Variants in PTPRG observed in about 807,000 individuals in gnomAD.
PTPRG encodes the protein protein tyrosine phosphatase receptor type G.
Under a neutral mutation model 165.3 loss-of-function variants are expected in PTPRG, and 102 were observed. That is an observed-to-expected ratio of 0.62 (90% CI 0.53 to 0.73). The LOEUF (loss-of-function observed/expected upper bound fraction) is 0.73. Among genes scored for constraint, PTPRG ranks in the 30% least tolerant of loss-of-function variants. The pLI, the probability that PTPRG is intolerant of heterozygous loss-of-function variation, is 0.00. For synonymous variants in PTPRG, 675 were observed against 669.5 expected (o/e 1.01, Z -0.13); for missense variants, 1,866 against 1,861.4 (o/e 1.00, Z -0.05).
chr3:61,621,043 A>G (rs76417593), intron 1 of PTPRG, among the ~76,000 whole-genome samples: 1 of 87,802 alleles, frequency 1.1e-5, no homozygotes. Context: ...GTATATATAT[A>G]TATATATATG....
At chr3:62,000,061 G>T (rs1279650707) in intron 3 of PTPRG, among the ~76,000 whole-genome samples, 1 of 152,120 alleles carries the variant, frequency 6.6e-6, no homozygotes, top group Non-Finnish European at 1.5e-5. Flanking sequence ...TCGACACTTT[G>T]GGAGGCCAAG....
chr3:61,845,465 T>C (rs1469466989), intron 2 of PTPRG, among the ~76,000 whole-genome samples: 1 of 152,214 alleles, frequency 6.6e-6, no homozygotes. Context: ...TTGATCCTAT[T>C]ATCCCGGGAC....
At chr3:62,129,193 A>G (rs1253154885) in intron 5 of PTPRG, among the ~76,000 whole-genome samples, 1 of 152,196 alleles carries the variant, frequency 6.6e-6, no homozygotes, top group African/African-American at 2.4e-5. Flanking sequence ...AGTATCAGAC[A>G]TGGAGAAGCT....
intron 4 of PTPRG, among the ~76,000 whole-genome samples, chr3:62,015,663 G>C (rs1214505166): frequency 6.6e-6 from 1 of 152,030 alleles, no homozygotes; most frequent in Non-Finnish European, 1.5e-5. Context: ...GTTTTAGAAG[G>C]ATCCGTCTGG....
At chr3:61,883,669 T>C (rs1226532573) in intron 2 of PTPRG, among the ~76,000 whole-genome samples, 1 of 152,138 alleles carries the variant, frequency 6.6e-6, no homozygotes, top group Non-Finnish European at 1.5e-5. Context: ...AGATACCTTT[T>C]ATGGGTTGAA....
chr3:61,739,734 CTT>C (rs2032906137), intron 1 of PTPRG, among the ~76,000 whole-genome samples: 1 of 152,182 alleles, frequency 6.6e-6, no homozygotes, highest in South Asian at 2.1e-4. Flanking sequence ...TAGTAAATAA[CTT>C]ATGATTGGGC....
chr3:61,904,713 CAA>C (rs2038597056), intron 2 of PTPRG, among the ~76,000 whole-genome samples: 1 of 152,150 alleles, frequency 6.6e-6, no homozygotes, highest in Non-Finnish European at 1.5e-5. Flanking sequence ...GGTGGCTTAA[CAA>C]AGGTGTAAAT....
intron 2 of PTPRG, among the ~76,000 whole-genome samples, chr3:61,926,318 T>A (rs901481999): frequency 6.6e-6 from 1 of 152,018 alleles, no homozygotes; most frequent in Admixed American, 6.6e-5. Context: ...TTTAGCACCA[T>A]CCCCTTGGTG....
chr3:61,894,920 T>C (rs1559674881), intron 2 of PTPRG, among the ~76,000 whole-genome samples: 1 of 152,178 alleles, frequency 6.6e-6, no homozygotes, highest in Admixed American at 6.5e-5. Context: ...AGTTTGAATC[T>C]CAGCACCATT....
intron 7 of PTPRG, among the ~76,000 whole-genome samples, chr3:62,164,364 G>A (rs1704885681): frequency 6.6e-6 from 1 of 152,144 alleles, no homozygotes; most frequent in Non-Finnish European, 1.5e-5. Context: ...ACCAATCCAA[G>A]GCTCCTGGAG....
chr3:62,035,017 G>A (rs1268254518), intron 4 of PTPRG, among the ~76,000 whole-genome samples: 1 of 152,182 alleles, frequency 6.6e-6, no homozygotes, highest in African/African-American at 2.4e-5. Flanking sequence ...CGGGACAGGA[G>A]TCCTACAGTG....
intron 4 of PTPRG, among the ~76,000 whole-genome samples, chr3:62,066,362 T>C (rs1036155325): frequency 6.6e-6 from 1 of 152,254 alleles, no homozygotes; most frequent in Admixed American, 6.5e-5. Context: ...TATTTGTGGC[T>C]GAGTGTTGCA....
At chr3:61,753,047 T>C (rs191283313) in intron 2 of PTPRG, among the ~76,000 whole-genome samples, 70 of 152,252 alleles carry the variant, frequency 4.6e-4, no homozygotes, top group African/African-American at 1.7e-3. Context: ...AGAGAACTAT[T>C]TATTGAGGAA....
At chr3:61,854,904 CAA>C (rs2037058402) in intron 2 of PTPRG, among the ~76,000 whole-genome samples, 1 of 150,762 alleles carries the variant, frequency 6.6e-6, no homozygotes, top group African/African-American at 2.4e-5. Context: ...TTTAAGATGC[CAA>C]ATTCTATGTT....
chr3:62,258,108 C>A (rs183299809), intron 16 of PTPRG, among the ~76,000 whole-genome samples: 4 of 151,690 alleles, frequency 2.6e-5, no homozygotes, highest in East Asian at 3.9e-4. Context: ...AAATTAGGAA[C>A]CCCCCCCACT....
At chr3:62,199,732 T>G (rs1405000761) in intron 10 of PTPRG, among the ~76,000 whole-genome samples, 3 of 152,220 alleles carry the variant, frequency 2.0e-5, no homozygotes, top group Non-Finnish European at 4.4e-5. Context: ...GAAGCAGCTT[T>G]TCAGTTTATA....
At chr3:62,022,334 G>A (rs1290933622) in intron 4 of PTPRG, among the ~76,000 whole-genome samples, 1 of 152,212 alleles carries the variant, frequency 6.6e-6, no homozygotes, top group East Asian at 1.9e-4. Context: ...ATCATAAAAT[G>A]TCTGATCTTT....
intron 2 of PTPRG, 103 bp from the exon 3 acceptor site, chr3:61,989,522 T>A (rs1029486398): frequency 4.6e-6 from 5 of 1,080,708 alleles, no homozygotes; most frequent in African/African-American, 1.6e-5. Flanking sequence ...CCTCTTTGGA[T>A]TGGGGACATG....
chr3:61,961,091 T>C (rs1362414709), intron 2 of PTPRG, among the ~76,000 whole-genome samples: 1 of 152,148 alleles, frequency 6.6e-6, no homozygotes, highest in Non-Finnish European at 1.5e-5. Context: ...GTTAAAAAAC[T>C]TTGGCATCAA....
Sources: allele counts gnomAD v4.1 joint callset (sites outside exome capture counted in the v4.1 genomes callset), GRCh38; gene constraint gnomAD v4.1.1; transcripts MANE v1.5; gene names NCBI Gene and HGNC (gene_info 2026-07-23, HGNC 2026-07-21).